Variants in C12orf42 observed in about 807,000 individuals in gnomAD.
C12orf42 encodes chromosome 12 open reading frame 42, also known as uncharacterized protein C12orf42.
C12orf42 carries 25 observed loss-of-function variants against 21.6 expected under a neutral mutation model. The ratio of observed to expected loss-of-function variants is 1.16; its 90% CI spans 0.84 to 1.62. The LOEUF (loss-of-function observed/expected upper bound fraction) is 1.62. C12orf42 is among the 40% of genes most tolerant of loss of function. The pLI is 0.00. For missense variants in C12orf42, 483 were observed against 459.3 expected (o/e 1.05, Z -0.47); for synonymous variants, 174 against 175.0 (o/e 0.99, Z 0.05).
chr12:103,088,895 A>C, the C12orf42 span, among the ~76,000 whole-genome samples: 6 of 152,078 alleles, frequency 3.9e-5, no homozygotes, highest in African/African-American at 1.4e-4. Context: ...CGAGGTCAGG[A>C]GATCGAGACC....
intron 2 of C12orf42, among the ~76,000 whole-genome samples, chr12:103,458,455 TTACCCAG>T: frequency 6.6e-6 from 1 of 152,272 alleles, no homozygotes; most frequent in East Asian, 1.9e-4. Context: ...AGCTCTGCGC[TTACCCAG>T]GGTGTGATGC....
intron 4 of C12orf42, among the ~76,000 whole-genome samples, chr12:103,333,467 G>A (rs1304251129): frequency 6.6e-6 from 1 of 152,150 alleles, no homozygotes; most frequent in Non-Finnish European, 1.5e-5. Flanking sequence ...TCACTCTTTA[G>A]AAAAACACAG....
At chr12:103,491,015 T>C (rs1475282200) in intron 1 of C12orf42, among the ~76,000 whole-genome samples, 1 of 152,188 alleles carries the variant, frequency 6.6e-6, no homozygotes, top group Non-Finnish European at 1.5e-5. Flanking sequence ...TGTTTTATCA[T>C]ACTCTTAGTC....
At chr12:103,467,892 A>G (rs948250986) in intron 2 of C12orf42, among the ~76,000 whole-genome samples, 1 of 152,036 alleles carries the variant, frequency 6.6e-6, no homozygotes, top group African/African-American at 2.4e-5. Context: ...TCTTTTCTTT[A>G]CATATTTAGC....
chr12:103,242,872 G>A (rs967856281), intron 10 of C12orf42, among the ~76,000 whole-genome samples: 20 of 152,214 alleles, frequency 1.3e-4, no homozygotes, highest in African/African-American at 4.6e-4. Context: ...CCAGTGCATT[G>A]AAAGGAAGTT....
chr12:103,450,774 C>A (rs1000167702), intron 2 of C12orf42, among the ~76,000 whole-genome samples: 1 of 152,048 alleles, frequency 6.6e-6, no homozygotes, highest in African/African-American at 2.4e-5. Context: ...CCTTTTTCAT[C>A]ACAGCCTAGG....
the C12orf42 span, among the ~76,000 whole-genome samples, chr12:103,128,556 T>G: frequency 3.3e-5 from 5 of 152,240 alleles, no homozygotes; most frequent in Non-Finnish European, 7.3e-5. Context: ...AAATATTTCT[T>G]GTGTCTTACT....
At chr12:103,398,951 C>T (rs2047758192) in intron 3 of C12orf42, among the ~76,000 whole-genome samples, 1 of 152,074 alleles carries the variant, frequency 6.6e-6, no homozygotes, top group Non-Finnish European at 1.5e-5. Context: ...GTTCATTTAA[C>T]TTATAGGATC....
the C12orf42 span, among the ~76,000 whole-genome samples, chr12:103,216,721 G>T: frequency 6.6e-6 from 1 of 152,200 alleles, no homozygotes; most frequent in East Asian, 1.9e-4. Flanking sequence ...GGAAGGCAGG[G>T]TGTGTCATTT....
the C12orf42 span, among the ~76,000 whole-genome samples, chr12:103,135,279 A>G: frequency 3.1e-3 from 479 of 152,178 alleles, 3 homozygotes; most frequent in African/African-American, 0.011. Context: ...ACATGGCAAA[A>G]TCCTATCTCT....
the C12orf42 span, among the ~76,000 whole-genome samples, chr12:103,192,984 T>G: frequency 6.6e-6 from 1 of 152,150 alleles, no homozygotes; most frequent in African/African-American, 2.4e-5. Context: ...ACAGATCACA[T>G]GCTAGAACAC....
At chr12:103,356,536 A>G (rs2043577213) in intron 4 of C12orf42, among the ~76,000 whole-genome samples, 1 of 151,892 alleles carries the variant, frequency 6.6e-6, no homozygotes, top group African/African-American at 2.4e-5. Flanking sequence ...TTGGGTATAT[A>G]CCCAGTAATG....
At chr12:103,148,534 G>A in the C12orf42 span, among the ~76,000 whole-genome samples, 7 of 152,056 alleles carry the variant, frequency 4.6e-5, 1 homozygote, top group Admixed American at 3.9e-4. Context: ...ATTGTTCCCT[G>A]AGTCTCTGGA....
the C12orf42 span, among the ~76,000 whole-genome samples, chr12:103,083,759 G>A: frequency 2.2e-4 from 33 of 152,212 alleles, no homozygotes; most frequent in Non-Finnish European, 4.6e-4. Context: ...TAAATATATT[G>A]TACTGAAATA....
the C12orf42 span, among the ~76,000 whole-genome samples, chr12:103,087,847 A>G: frequency 1.3e-3 from 205 of 152,362 alleles, no homozygotes; most frequent in Non-Finnish European, 2.1e-3. Context: ...TTTAATGGAT[A>G]GTCTCAAATT....
chr12:103,122,637 G>A, the C12orf42 span, among the ~76,000 whole-genome samples: 3 of 152,176 alleles, frequency 2.0e-5, no homozygotes, highest in Admixed American at 1.3e-4. Context: ...TCTTCAGAAA[G>A]AACATTTTGG....
chr12:103,377,089 C>T (rs1360201266), intron 3 of C12orf42, among the ~76,000 whole-genome samples: 2 of 151,998 alleles, frequency 1.3e-5, no homozygotes, highest in African/African-American at 2.4e-5. Context: ...ATATGGCATC[C>T]TGTTCTTATT....
At chr12:103,433,824 T>C (rs1485346760) in intron 2 of C12orf42, among the ~76,000 whole-genome samples, 1 of 152,336 alleles carries the variant, frequency 6.6e-6, no homozygotes, top group South Asian at 2.1e-4. Context: ...CTAAATTGTA[T>C]TGATGAATGA....
chr12:103,304,420 GA>G (rs1302884763), intron 5 of C12orf42, among the ~76,000 whole-genome samples: 1 of 152,032 alleles, frequency 6.6e-6, no homozygotes, highest in Non-Finnish European at 1.5e-5. Context: ...AAAATAAACT[GA>G]AAAAGGAAGT....
Sources: gnomAD v4.1 joint callset for allele counts (sites outside exome capture counted in the v4.1 genomes callset) on GRCh38, gnomAD v4.1.1 for gene constraint, MANE v1.5 for transcripts, NCBI Gene and HGNC (gene_info 2026-07-23, HGNC 2026-07-21) for gene names.